Variants in ZMYM2 observed in about 807,000 individuals in gnomAD.
ZMYM2 encodes zinc finger MYM-type containing 2.
ZMYM2 carries 56 observed loss-of-function variants against 162.8 expected under a neutral mutation model. The ratio of observed to expected loss-of-function variants is 0.34; its 90% CI spans 0.28 to 0.43. The LOEUF is 0.43. Among genes scored for constraint, ZMYM2 ranks in the 20% least tolerant of loss-of-function variants. The pLI, the probability that ZMYM2 is intolerant of heterozygous loss-of-function variation, is 1.00. For synonymous variants in ZMYM2, 510 were observed against 541.6 expected (o/e 0.94, Z 0.81); for missense variants, 1,275 against 1,621.8 (o/e 0.79, Z 3.67).
intron 1 of ZMYM2, among the ~76,000 whole-genome samples, chr13:19,959,279 G>A (rs1324319761): frequency 6.6e-6 from 1 of 151,952 alleles, no homozygotes; most frequent in African/African-American, 2.4e-5. Flanking sequence ...GGGCGCCCCG[G>A]CTGGGTCTCC....
chr13:19,889,139 T>C, the ZMYM2 span, among the ~76,000 whole-genome samples: 195 of 151,906 alleles, frequency 1.3e-3, 5 homozygotes, highest in African/African-American at 4.4e-3. Flanking sequence ...TCCTCAACAC[T>C]CCTGGGAAGA....
chr13:19,921,337 A>G, the ZMYM2 span, among the ~76,000 whole-genome samples: 2 of 152,062 alleles, frequency 1.3e-5, no homozygotes, highest in East Asian at 1.9e-4. Context: ...ACAGGGTTTC[A>G]CCATGTTGGT....
upstream of ZMYM2, among the ~76,000 whole-genome samples, chr13:19,955,118 C>A (rs1954480175): frequency 2.0e-5 from 3 of 151,182 alleles, no homozygotes; most frequent in Admixed American, 2.0e-4. Flanking sequence ...GGCCCCAAGA[C>A]TACTTGATTT....
At chr13:19,976,057 G>A (rs1956759228) in intron 2 of ZMYM2, among the ~76,000 whole-genome samples, 1 of 152,032 alleles carries the variant, frequency 6.6e-6, no homozygotes, top group Non-Finnish European at 1.5e-5. Flanking sequence ...TCCTAGGCCG[G>A]GCACGGTAGC....
chr13:19,990,423 G>C (rs908395808), intron 2 of ZMYM2, among the ~76,000 whole-genome samples: 1 of 152,142 alleles, frequency 6.6e-6, no homozygotes, highest in Admixed American at 6.6e-5. Context: ...TGCAGAAGCT[G>C]TTTTCTTTGC....
intron 12 of ZMYM2, among the ~76,000 whole-genome samples, chr13:20,041,057 CAGTG>C (rs748045375): frequency 1.3e-5 from 2 of 152,128 alleles, no homozygotes; most frequent in East Asian, 1.9e-4. Context: ...TGCCATGTGA[CAGTG>C]AGAAGAATGT....
At chr13:19,930,855 T>G in the ZMYM2 span, among the ~76,000 whole-genome samples, 1 of 150,904 alleles carries the variant, frequency 6.6e-6, no homozygotes, top group Non-Finnish European at 1.5e-5. Context: ...ATTAATAATT[T>G]AAGGCCGGGC....
chr13:20,039,819 C>T (rs796380962), intron 12 of ZMYM2, among the ~76,000 whole-genome samples: 1 of 152,108 alleles, frequency 6.6e-6, no homozygotes, highest in Non-Finnish European at 1.5e-5. Context: ...TATTGAAAGC[C>T]TTTTCTGCAT....
chr13:20,042,221 C>T (rs1340048386), intron 12 of ZMYM2, among the ~76,000 whole-genome samples: 2 of 152,130 alleles, frequency 1.3e-5, no homozygotes, highest in African/African-American at 2.4e-5. Flanking sequence ...GGTCTCTTTA[C>T]GTAATGCCAT....
the ZMYM2 span, among the ~76,000 whole-genome samples, chr13:19,941,198 A>G: frequency 1.3e-5 from 2 of 152,032 alleles, no homozygotes; most frequent in East Asian, 3.8e-4. Context: ...GGTCCCAGCT[A>G]CTTGGGAGGG....
In ZMYM2 at chr13:20,020,980, CT is replaced by C. The variant is rs370623313; in HGVS notation, c.1584+1375del. 3.3e-3 allele frequency among the ~76,000 whole-genome samples: 477 copies of C among 143,512 alleles called. 3 individuals are homozygous for C. The highest frequency in any genetic ancestry group is 9.3e-3 in the African/African-American group (368 of 39,554). The allele number at this position is 143,512 out of a possible 152,430, so 94.1% of individuals were successfully genotyped here. A position where few individuals can be genotyped will look rare whatever the true frequency, so the allele number is the denominator to read the frequency against. On this transcript the variant is annotated intron_variant, in intron 7 of 24. Coordinates refer to ENST00000610343, the MANE Select transcript of ZMYM2 (RefSeq NM_197968.4). ...TTTTAACATCTTTGCCTACTGTTTA[CT>C]TTTTTTTTTTTTGAGATGGAGCCTT...
chr13:20,080,922 G>C (rs1957869283), intron 21 of ZMYM2, among the ~76,000 whole-genome samples: 1 of 152,230 alleles, frequency 6.6e-6, no homozygotes, highest in Non-Finnish European at 1.5e-5. Context: ...CATGAAAGCT[G>C]CTGTACAGTA....
intron 10 of ZMYM2, 97 bp downstream of exon 10, chr13:20,031,532 A>G (rs1319396865): frequency 6.4e-6 from 5 of 784,204 alleles, no homozygotes; most frequent in South Asian, 5.0e-5. Flanking sequence ...TTCTTGGTAG[A>G]TAAAAATATG....
rs780272276 is a variant in ZMYM2, at chr13:20,019,654, CA to C, written c.1584+37del. On this transcript the variant is annotated intron_variant, in intron 7 of 24. Coordinates refer to ENST00000610343, the MANE Select transcript of ZMYM2 (RefSeq NM_197968.4). ...ATGTAAATGGAGTTCAAGGCCTTAA[CA>C]TTTTTGAGCACTGCTACTACTGTCA... 3.5e-5 allele frequency: 54 copies of C among 1,538,672 alleles called. No individual in the cohort carries two copies. The East Asian group carries it at 1.1e-3, about 31-fold the overall frequency.
At chr13:20,022,865 A>G (rs895657581) in intron 7 of ZMYM2, among the ~76,000 whole-genome samples, 3 of 152,180 alleles carry the variant, frequency 2.0e-5, no homozygotes, top group African/African-American at 7.2e-5. Flanking sequence ...CTTTGGTAAT[A>G]AGGACAGATT....
chr13:20,019,430 A>G, intron 6 of ZMYM2, 117 bp from the exon 7 acceptor site: 1 of 817,680 alleles, frequency 1.2e-6, no homozygotes. Flanking sequence ...AGTTGGAATG[A>G]GTTTGTAAGT....
chr13:19,960,837 C>T (rs1955129755), intron 2 of ZMYM2, among the ~76,000 whole-genome samples: 1 of 152,096 alleles, frequency 6.6e-6, no homozygotes, highest in Admixed American at 6.5e-5. Context: ...TCTCTGGAGC[C>T]CATTGACAGT....
chr13:19,977,754 T>G (rs1000592212), intron 2 of ZMYM2, among the ~76,000 whole-genome samples: 1 of 152,032 alleles, frequency 6.6e-6, no homozygotes, highest in African/African-American at 2.4e-5. Context: ...CCTCCCAAAG[T>G]GCTGGGATTA....
the ZMYM2 span, among the ~76,000 whole-genome samples, chr13:19,888,325 C>A: frequency 1.3e-5 from 2 of 151,894 alleles, no homozygotes; most frequent in African/African-American, 2.4e-5. Context: ...GTAGCTAGGA[C>A]TACAGGTATG....
Sources: gnomAD v4.1 joint callset for allele counts (sites outside exome capture counted in the v4.1 genomes callset) on GRCh38, gnomAD v4.1.1 for gene constraint, MANE v1.5 for transcripts, NCBI Gene and HGNC (gene_info 2026-07-23, HGNC 2026-07-21) for gene names.